The following DLGAP2 variants were observed in gnomAD, a reference collection of about 807,000 sequenced individuals.
DLGAP2 encodes DLG associated protein 2.
A neutral mutation model predicts 100.3 loss-of-function variants in DLGAP2; 26 were observed. The observed-to-expected ratio is 0.26, with a 90% CI of 0.19 to 0.36. The LOEUF is 0.36. DLGAP2 is among the 10% of genes least tolerant of loss of function. The pLI is 1.00. For missense variants in DLGAP2, 1,858 were observed against 1,453.2 expected (o/e 1.28, Z -4.53); for synonymous variants, 886 against 630.1 (o/e 1.41, Z -6.08).
At chr8:1,006,156 T>C (rs1801103165) in intron 2 of DLGAP2, among the ~76,000 whole-genome samples, 1 of 152,078 alleles carries the variant, frequency 6.6e-6, no homozygotes, top group African/African-American at 2.4e-5. Flanking sequence ...ACCACTGCAC[T>C]CCAGCCTGGG....
chr8:818,752 G>T (rs944739491), intron 1 of DLGAP2, among the ~76,000 whole-genome samples: 1 of 152,182 alleles, frequency 6.6e-6, no homozygotes, highest in Non-Finnish European at 1.5e-5. Flanking sequence ...GAAAATTCAA[G>T]AGTATACAGT....
intron 2 of DLGAP2, among the ~76,000 whole-genome samples, chr8:1,110,256 CG>C (rs1258144122): frequency 9.5e-6 from 1 of 105,410 alleles, no homozygotes; most frequent in African/African-American, 4.1e-5. Flanking sequence ...GAGGTGTGCA[CG>C]GGTCTGTGAC....
At chr8:1,281,704 G>C (rs1412145900) in intron 3 of DLGAP2, among the ~76,000 whole-genome samples, 1 of 152,190 alleles carries the variant, frequency 6.6e-6, no homozygotes, top group African/African-American at 2.4e-5. Flanking sequence ...CTAAGGAGGA[G>C]CTGACCAGGG....
At chr8:1,619,433 A>G (rs548350445) in intron 6 of DLGAP2, among the ~76,000 whole-genome samples, 1 of 152,356 alleles carries the variant, frequency 6.6e-6, no homozygotes, top group South Asian at 2.1e-4. Context: ...CTCTCAATTA[A>G]TACAATTTAA....
At chr8:1,148,600 G>A (rs1253168351) in intron 2 of DLGAP2, among the ~76,000 whole-genome samples, 1 of 151,862 alleles carries the variant, frequency 6.6e-6, no homozygotes, top group African/African-American at 2.4e-5. Flanking sequence ...TGCCTCTCGA[G>A]TATTAACATT....
At chr8:1,209,661 T>C (rs1028131802) in intron 2 of DLGAP2, among the ~76,000 whole-genome samples, 1 of 152,226 alleles carries the variant, frequency 6.6e-6, no homozygotes, top group Non-Finnish European at 1.5e-5. Context: ...TAACCTCCTA[T>C]TCCAAGCACT....
chr8:1,056,981 C>T (rs967679731), intron 2 of DLGAP2, among the ~76,000 whole-genome samples: 12 of 152,214 alleles, frequency 7.9e-5, no homozygotes, highest in African/African-American at 2.9e-4. Context: ...GAGACAGAGA[C>T]AGACCGTGTT....
chr8:1,228,179 TAACA>T (rs71528639), intron 2 of DLGAP2, among the ~76,000 whole-genome samples: 32,782 of 151,766 alleles, frequency 0.22, 4,160 homozygotes, highest in East Asian at 0.55. Context: ...TATACATATG[TAACA>T]AACCTGCACG....
At chr8:1,410,087 G>A (rs373296747) in intron 3 of DLGAP2, among the ~76,000 whole-genome samples, 11 of 152,144 alleles carry the variant, frequency 7.2e-5, no homozygotes, top group Admixed American at 2.6e-4. Context: ...CAAGCCAAGC[G>A]GTGTCCTCCC....
In DLGAP2 at chr8:1,108,662, T is replaced by C. The variant is rs373062856; in HGVS notation, c.74-150189T>C. Among the ~76,000 whole-genome samples, 7 of 147,396 alleles carry C rather than the reference T, an allele frequency of 4.7e-5. No homozygotes were observed. In the East Asian group the frequency reaches 1.4e-3, roughly 30 times the overall value. On this transcript the variant is annotated intron_variant, in intron 2 of 14. Coordinates refer to ENST00000637795, the MANE Select transcript of DLGAP2 (RefSeq NM_001346810.2). Reference sequence around the variant, plus strand: ...ACGTGCCTATGAAGTGTGCTGGGTCTGTGAGGTGTGCACGGGTCTGTGAGG... The same window carrying C: ...ACGTGCCTATGAAGTGTGCTGGGTCCGTGAGGTGTGCACGGGTCTGTGAGG...
At chr8:749,523 GT>G (rs1057284097) in intron 1 of DLGAP2, among the ~76,000 whole-genome samples, 1 of 151,712 alleles carries the variant, frequency 6.6e-6, no homozygotes, top group African/African-American at 2.4e-5. Flanking sequence ...CCTTTTATAA[GT>G]TAATTTTCAT....
chr8:1,253,169 G>A (rs896008175), intron 2 of DLGAP2, among the ~76,000 whole-genome samples: 2 of 152,228 alleles, frequency 1.3e-5, no homozygotes, highest in African/African-American at 4.8e-5. Context: ...CAGGAAAGCG[G>A]TACCCATCCC....
chr8:1,414,741 G>A (rs1177733857), intron 3 of DLGAP2, among the ~76,000 whole-genome samples: 1 of 152,218 alleles, frequency 6.6e-6, no homozygotes, highest in African/African-American at 2.4e-5. Context: ...GGGCACGGTG[G>A]TGCATGTCTG....
intron 2 of DLGAP2, among the ~76,000 whole-genome samples, chr8:1,200,911 C>T (rs978654025): frequency 5.9e-5 from 9 of 152,344 alleles, no homozygotes; most frequent in East Asian, 1.9e-4. Flanking sequence ...TCCACGCCGC[C>T]TCCGGGCGGT....
chr8:1,374,538 G>C (rs1025264517), intron 3 of DLGAP2, among the ~76,000 whole-genome samples: 1 of 152,162 alleles, frequency 6.6e-6, no homozygotes, highest in Non-Finnish European at 1.5e-5. Context: ...AGGGCATTCA[G>C]GTGGATTTGT....
intron 1 of DLGAP2, 100 bp downstream of exon 1, chr8:737,925 G>T (rs1414678044): frequency 5.6e-6 from 2 of 358,606 alleles, no homozygotes; most frequent in Non-Finnish European, 1.0e-5. Flanking sequence ...ACGCCCCGAG[G>T]GCGTCAGGGT....
Position 1,697,420 on chromosome 8 carries a change from A to G in DLGAP2, c.2949+121A>G, listed in dbSNP as rs185097750. The G allele has an allele frequency of 6.3e-5, 87 of 1,387,222 alleles. No individual in the cohort carries two copies. In the East Asian group the frequency reaches 2.0e-3, roughly 32 times the overall value. The allele number at this position is 1,387,222 out of a possible 1,614,324, so 85.9% of individuals were successfully genotyped here. A position where few individuals can be genotyped will look rare whatever the true frequency, so the allele number is the denominator to read the frequency against. On this transcript the variant is annotated intron_variant, in intron 14 of 14. Coordinates refer to ENST00000637795, the MANE Select transcript of DLGAP2 (RefSeq NM_001346810.2). ...TCTTTTGCTGGCAACACACGAGCAA[A>G]TTTCCCTCTATGTATGTGTGCACAT...
chr8:1,681,622 C>A (rs1390473518), intron 12 of DLGAP2, among the ~76,000 whole-genome samples: 3 of 152,194 alleles, frequency 2.0e-5, no homozygotes, highest in Non-Finnish European at 2.9e-5. Flanking sequence ...CTCACCATCA[C>A]TGCAGAACAA....
intron 3 of DLGAP2, among the ~76,000 whole-genome samples, chr8:1,334,922 C>T (rs530643096): frequency 1.6e-3 from 243 of 152,334 alleles, no homozygotes; most frequent in Middle Eastern, 3.4e-3. Flanking sequence ...CCCTGCGGGG[C>T]ACAAGTTTGC....
Sources: gnomAD v4.1 joint callset for allele counts (sites outside exome capture counted in the v4.1 genomes callset) on GRCh38, gnomAD v4.1.1 for gene constraint, MANE v1.5 for transcripts, NCBI Gene and HGNC (gene_info 2026-07-23, HGNC 2026-07-21) for gene names.